The following ZDHHC20 variants were observed in gnomAD, a reference collection of about 807,000 sequenced individuals.
ZDHHC20 encodes palmitoyltransferase ZDHHC20.
ZDHHC20 carries 43 observed loss-of-function variants against 57.8 expected under a neutral mutation model. The ratio of observed to expected loss-of-function variants is 0.74; its 90% CI spans 0.58 to 0.96. ZDHHC20 has a LOEUF of 0.96. ZDHHC20 is among the 40% of genes least tolerant of loss of function. ZDHHC20 has a pLI of 0.00. For synonymous variants in ZDHHC20, 157 were observed against 153.0 expected, an observed-to-expected ratio of 1.03 and a Z score of -0.19; for missense variants, 391 against 441.1, an observed-to-expected ratio of 0.89 and a Z score of 1.02.
At chr13:21,384,372 G>A (rs948362427) in intron 9 of ZDHHC20, among the ~76,000 whole-genome samples, 18 of 150,784 alleles carry the variant, frequency 1.2e-4, no homozygotes, top group Non-Finnish European at 4.4e-5. Flanking sequence ...CCCGGGAGGC[G>A]GAGGTTGCAG....
At chr13:21,442,575 T>A (rs1883289532) in intron 1 of ZDHHC20, among the ~76,000 whole-genome samples, 1 of 152,114 alleles carries the variant, frequency 6.6e-6, no homozygotes, top group African/African-American at 2.4e-5. Flanking sequence ...GCCAACATGG[T>A]GAAACCCTGT....
At position 21,378,695 on chromosome 13, in the gene ZDHHC20, T is replaced by C. The variant is rs1872682436; in HGVS notation, c.*6A>G. ...ATTCAAATGGTTAGTTATGAACAAG[T>C]GGTACTCAATTTTCTATTGCCACTG... On this transcript the variant is annotated 3_prime_UTR_variant, in exon 12 of 13. Coordinates refer to ENST00000400590, the MANE Select transcript of ZDHHC20 (RefSeq NM_001330059.2). The C allele has an allele frequency of 3.4e-6, 5 of 1,468,424 alleles. No homozygotes were observed. In the African/African-American group the frequency reaches 4.2e-5, roughly 12 times the overall value. 91.0% of individuals were successfully genotyped at this position (1,468,424 alleles called of 1,614,324 possible).
chr13:21,412,490 G>A (rs772549864), intron 4 of ZDHHC20, among the ~76,000 whole-genome samples: 1 of 152,038 alleles, frequency 6.6e-6, no homozygotes, highest in Non-Finnish European at 1.5e-5. Flanking sequence ...AATCATACAA[G>A]TAAACAAAAA....
In ZDHHC20 at chr13:21,459,155, A is replaced by C; in HGVS notation, c.17T>G (p.Leu6Arg). MAPWTLWRCCQRVVGW... is the reference protein window; with the variant it reads MAPWTRWRCCQRVVGW... ...CACGACGCGCTGGCAGCAGCGCCAC[A>C]GCGTCCAGGGCGCCATGTTCCGCTG... The change falls in exon 1 of 13, where the codon CTG becomes CGG. Residue 6 changes from leucine to arginine, a missense_variant. By Grantham distance (102) the Leu-to-Arg change is moderately radical. Coordinates refer to ENST00000400590, the MANE Select transcript of ZDHHC20 (RefSeq NM_001330059.2). The C allele has an allele frequency of 6.2e-7, 1 of 1,602,966 alleles. No individual in the cohort carries two copies. Among genetic ancestry groups the C allele is most frequent in the Non-Finnish European group, 8.5e-7 (1 of 1,175,926 alleles).
At chr13:21,400,212 T>C (rs975741512) in intron 7 of ZDHHC20, among the ~76,000 whole-genome samples, 161 bp downstream of exon 7, 3 of 152,078 alleles carry the variant, frequency 2.0e-5, no homozygotes, top group Non-Finnish European at 4.4e-5. Flanking sequence ...CATGTGTATA[T>C]GAAAGTAAAT....
At chr13:21,431,868 GT>G (rs2029953847) in intron 1 of ZDHHC20, among the ~76,000 whole-genome samples, 1 of 152,130 alleles carries the variant, frequency 6.6e-6, no homozygotes, top group Non-Finnish European at 1.5e-5. Context: ...TGATATGTGT[GT>G]GCCAATATTT....
intron 1 of ZDHHC20, among the ~76,000 whole-genome samples, chr13:21,458,567 C>T (rs946719531): frequency 2.6e-5 from 4 of 152,176 alleles, no homozygotes; most frequent in Non-Finnish European, 5.9e-5. Context: ...ACACACCTCC[C>T]TTCCCCCAAC....
chr13:21,388,047 T>C (rs1874890705), intron 8 of ZDHHC20, among the ~76,000 whole-genome samples: 1 of 152,142 alleles, frequency 6.6e-6, no homozygotes, highest in Admixed American at 6.6e-5. Flanking sequence ...CCAAAGAACC[T>C]AGAGTCTAGC....
At chr13:21,427,854 A>AC (rs1285735159) in intron 1 of ZDHHC20, among the ~76,000 whole-genome samples, 3 of 151,254 alleles carry the variant, frequency 2.0e-5, no homozygotes, top group East Asian at 3.9e-4. Context: ...AAAAAAAAAA[A>AC]ACCAAACCAA....
chr13:21,442,691 A>G lies in ZDHHC20; in HGVS notation c.118+16363T>C, dbSNP rs545243459. 5.3e-5 allele frequency among the ~76,000 whole-genome samples: 8 copies of G among 151,706 alleles called. No homozygotes were observed. The South Asian group carries it at 1.7e-3, about 32-fold the overall frequency. On this transcript the variant is annotated intron_variant, in intron 1 of 12. Coordinates refer to ENST00000400590, the MANE Select transcript of ZDHHC20 (RefSeq NM_001330059.2). Reference sequence around the variant, plus strand: ...AATTGCTTGAACCCGGGAAGCAGAGATTACAGTGAGCCGAGATCACACCAC... The same window carrying G: ...AATTGCTTGAACCCGGGAAGCAGAGGTTACAGTGAGCCGAGATCACACCAC...
chr13:21,428,774 C>T (rs1256620706), intron 1 of ZDHHC20, among the ~76,000 whole-genome samples: 3 of 151,812 alleles, frequency 2.0e-5, no homozygotes, highest in East Asian at 2.0e-4. Context: ...GCAGGAGAAT[C>T]GCCTGAACCT....
intron 1 of ZDHHC20, among the ~76,000 whole-genome samples, chr13:21,440,068 G>GAAAAAAA (rs376263181): frequency 5.2e-4 from 47 of 89,782 alleles, no homozygotes; most frequent in African/African-American, 1.3e-3. Context: ...CTGTTTCTCA[G>GAAAAAAA]AAAAAAAAAA....
chr13:21,398,479 G>A (rs1458217091), intron 7 of ZDHHC20, among the ~76,000 whole-genome samples: 6 of 149,618 alleles, frequency 4.0e-5, no homozygotes, highest in African/African-American at 1.2e-4. Flanking sequence ...AAAAAAAAAG[G>A]AAAGAAACAT....
intron 1 of ZDHHC20, among the ~76,000 whole-genome samples, chr13:21,456,068 T>C (rs1189156428): frequency 6.6e-6 from 1 of 152,192 alleles, no homozygotes; most frequent in African/African-American, 2.4e-5. Context: ...AAGATATAAT[T>C]ATGATCTTCT....
intron 2 of ZDHHC20, among the ~76,000 whole-genome samples, chr13:21,423,286 T>G (rs556823729): frequency 1.3e-5 from 2 of 152,208 alleles, no homozygotes; most frequent in Non-Finnish European, 2.9e-5. Flanking sequence ...TAACATTGAT[T>G]GTCATACACA....
rs1414991845 is a variant in ZDHHC20, at chr13:21,372,810, T to C, written c.*3886A>G. ...CTTCAAATTTGTTTATATAAAAGCATATTAAAGCTCACTTTAAAATAGTGT... is the reference window on the plus strand; with the variant it reads ...CTTCAAATTTGTTTATATAAAAGCACATTAAAGCTCACTTTAAAATAGTGT... On this transcript the variant is annotated 3_prime_UTR_variant, in exon 13 of 13. Coordinates refer to ENST00000400590, the MANE Select transcript of ZDHHC20 (RefSeq NM_001330059.2). 6.6e-6 allele frequency: 1 copy of C among 152,190 alleles called. No individual in the cohort carries two copies. 9.4% of individuals were successfully genotyped at this position (152,190 alleles called of 1,614,324 possible).
In ZDHHC20 at chr13:21,387,599, C is replaced by T. The variant is rs1186398168; in HGVS notation, c.763G>A (p.Asp255Asn). 2 of 1,507,922 alleles carry T rather than the reference C, an allele frequency of 1.3e-6. No individual in the cohort carries two copies. The highest frequency in any genetic ancestry group is 1.8e-6 in the Non-Finnish European group (2 of 1,124,234). 93.4% of individuals were successfully genotyped at this position (1,507,922 alleles called of 1,614,324 possible). A position where few individuals can be genotyped will look rare whatever the true frequency, so the allele number is the denominator to read the frequency against. ...FRAPTFSYGP[D>N]GNGFSLGCSK... ...CATCCAAGAGAGAAACCATTTCCAT[C>T]AGGTCCGTATGAAAACGTGGGTGCG... The change falls in exon 9 of 13, where the codon GAT becomes AAT. Residue 255 changes from aspartate (D) to asparagine (N), a missense_variant. Coordinates refer to ENST00000400590, the MANE Select transcript of ZDHHC20 (RefSeq NM_001330059.2).
chr13:21,396,694 G>A (rs1250382550), intron 7 of ZDHHC20, among the ~76,000 whole-genome samples: 2 of 152,008 alleles, frequency 1.3e-5, no homozygotes, highest in African/African-American at 2.4e-5. Flanking sequence ...TTAACCAGGC[G>A]TGGTGGTGCA....
At chr13:21,433,792 C>T (rs1882258248) in intron 1 of ZDHHC20, among the ~76,000 whole-genome samples, 2 of 152,172 alleles carry the variant, frequency 1.3e-5, no homozygotes, top group African/African-American at 4.8e-5. Flanking sequence ...ATGACCATGG[C>T]GTAGCTCTCC....
Sources: allele counts gnomAD v4.1 joint callset (sites outside exome capture counted in the v4.1 genomes callset), GRCh38; gene constraint gnomAD v4.1.1; transcripts MANE v1.5; gene names NCBI Gene and HGNC (gene_info 2026-07-23, HGNC 2026-07-21).